The following NR6A1 variants were observed in gnomAD, a reference collection of about 807,000 sequenced individuals.
The protein encoded by NR6A1 is nuclear receptor subfamily 6 group A member 1.
A neutral mutation model predicts 59.1 loss-of-function variants in NR6A1; 7 were observed. The observed-to-expected ratio is 0.12, with a 90% CI of 0.07 to 0.22. The LOEUF (loss-of-function observed/expected upper bound fraction) is 0.22, where lower values mean the gene tolerates loss of function less well. Among genes scored for constraint, NR6A1 ranks in the 10% least tolerant of loss-of-function variants. The pLI is 1.00. For synonymous variants in NR6A1, 243 were observed against 236.1 expected (o/e 1.03, Z -0.27); for missense variants, 468 against 611.6 (o/e 0.77, Z 2.48).
intron 2 of NR6A1, among the ~76,000 whole-genome samples, chr9:124,718,369 G>A (rs551790578): frequency 4.3e-4 from 66 of 152,338 alleles, no homozygotes; most frequent in African/African-American, 1.5e-3. Context: ...GCAAGTAGAA[G>A]CCTGAAAATG....
chr9:124,655,553 A>T (rs1837234690), intron 2 of NR6A1, among the ~76,000 whole-genome samples: 1 of 152,228 alleles, frequency 6.6e-6, no homozygotes. Context: ...ACAAGGCACA[A>T]CTCAAGAGAA....
chr9:124,692,384 C>G (rs973632252), intron 2 of NR6A1: 3 of 454,210 alleles, frequency 6.6e-6, no homozygotes, highest in Non-Finnish European at 1.4e-5. Context: ...AATGTAAGAG[C>G]ATCCATCAGC....
chr9:124,576,011 T>C (rs1834579979), intron 2 of NR6A1, among the ~76,000 whole-genome samples: 1 of 152,146 alleles, frequency 6.6e-6, no homozygotes. Context: ...TTCTAATTCT[T>C]GCATGCCTGG....
rs10639098 is a variant in NR6A1, at chr9:124,519,901, C to CAAAAAA, written c.*2798_*2803dup. The CAAAAAA allele has an allele frequency of 0.025, 592 of 23,896 alleles. 110 individuals carry two copies. The highest frequency in any genetic ancestry group is 0.076 in the African/African-American group (578 of 7,650). 1.5% of individuals were successfully genotyped at this position (23,896 alleles called of 1,614,324 possible). ...TGAGCGACAGAGCGAGACTCCGCCT[C>CAAAAAA]AAAAAAAAAAAAAAAAAAAAAAAAA... On this transcript the variant is annotated 3_prime_UTR_variant, in exon 10 of 10. Transcript: ENST00000487099.
At chr9:124,674,168 ATAT>A (rs1837883091) in intron 2 of NR6A1, among the ~76,000 whole-genome samples, 1 of 152,218 alleles carries the variant, frequency 6.6e-6, no homozygotes, top group African/African-American at 2.4e-5. Context: ...ATGTTAGCTG[ATAT>A]TATCATATTA....
intron 2 of NR6A1, among the ~76,000 whole-genome samples, chr9:124,610,093 C>T (rs192861506): frequency 3.3e-5 from 5 of 152,294 alleles, no homozygotes; most frequent in Non-Finnish European, 7.4e-5. Flanking sequence ...ACCTTTATTT[C>T]TTTCTCTTGA....
chr9:124,690,936 A>G (rs1314018292), intron 2 of NR6A1, among the ~76,000 whole-genome samples: 2 of 152,332 alleles, frequency 1.3e-5, no homozygotes, highest in Non-Finnish European at 2.9e-5. Context: ...ACCTTTCTGT[A>G]GTTTTTCAAG....
intron 1 of NR6A1, among the ~76,000 whole-genome samples, chr9:124,757,491 G>A (rs1840667499): frequency 6.6e-6 from 1 of 150,904 alleles, no homozygotes; most frequent in Admixed American, 6.6e-5. Context: ...TGGATTTGAG[G>A]TCTAGAAGAA....
rs976902399 is a variant in NR6A1, at chr9:124,557,481, T to C, written c.143-2911A>G. ...AGCTAACTTAAGTGAGTTTCTGTTG[T>C]TTGCAACACAAACAAAATACAAAAA... is the stretch of plus-strand genomic sequence containing the variant. On this transcript the variant is annotated intron_variant, in intron 2 of 9. Coordinates refer to ENST00000487099, the MANE Select transcript of NR6A1 (RefSeq NM_033334.4). Among the ~76,000 whole-genome samples the C allele has an allele frequency of 1.1e-4, 17 of 152,106 alleles. 1 individual carries two copies. The highest frequency in any genetic ancestry group is 2.9e-5 in the Non-Finnish European group (2 of 68,012).
At chr9:124,586,249 T>G (rs930554715) in intron 2 of NR6A1, among the ~76,000 whole-genome samples, 1 of 152,184 alleles carries the variant, frequency 6.6e-6, no homozygotes, top group Non-Finnish European at 1.5e-5. Flanking sequence ...TAGATGCCAT[T>G]AAGGACATTT....
At chr9:124,557,112 C>A (rs368619753) in intron 2 of NR6A1, among the ~76,000 whole-genome samples, 1 of 152,066 alleles carries the variant, frequency 6.6e-6, no homozygotes, top group East Asian at 1.9e-4. Context: ...GACATAACCA[C>A]GTTATTGTAA....
chr9:124,695,622 G>C (rs1045720109), intron 2 of NR6A1, among the ~76,000 whole-genome samples: 1 of 151,990 alleles, frequency 6.6e-6, no homozygotes, highest in Non-Finnish European at 1.5e-5. Flanking sequence ...CGCCCGCCTC[G>C]GCCGCCCAAA....
At chr9:124,687,151 C>A (rs1838359314) in intron 2 of NR6A1, among the ~76,000 whole-genome samples, 3 of 151,568 alleles carry the variant, frequency 2.0e-5, no homozygotes, top group Non-Finnish European at 2.9e-5. Context: ...TCAGGTCACA[C>A]TCTGTCACTC....
rs150621763 is a variant in NR6A1, at chr9:124,561,362, C to A, written c.143-6792G>T. ...CTGAGGTAGGAGTATCACCTGAGCC[C>A]AGGTGGTCGAAGATGCAGTGAGCTG... On this transcript the variant is annotated intron_variant, in intron 2 of 9. Transcript: ENST00000487099. 4.0e-3 allele frequency among the ~76,000 whole-genome samples: 613 copies of A among 152,126 alleles called. 3 individuals carry two copies. Among genetic ancestry groups the A allele is most frequent in the African/African-American group, 0.013 (558 of 41,528 alleles).
At chr9:124,595,983 A>G (rs1164618899) in intron 2 of NR6A1, 1 of 162,966 alleles carries the variant, frequency 6.1e-6, no homozygotes, top group Non-Finnish European at 1.3e-5. Flanking sequence ...GTTTATTACC[A>G]AAGGTTATCT....
At chr9:124,608,855 A>T (rs533865481) in intron 2 of NR6A1, among the ~76,000 whole-genome samples, 17 of 152,320 alleles carry the variant, frequency 1.1e-4, no homozygotes, top group African/African-American at 4.1e-4. Context: ...GTGAGATGGT[A>T]TCTCATTATG....
chr9:124,558,700 C>A (rs1225006800), intron 2 of NR6A1, among the ~76,000 whole-genome samples: 1 of 152,090 alleles, frequency 6.6e-6, no homozygotes, highest in Non-Finnish European at 1.5e-5. Flanking sequence ...TAATAGTCAT[C>A]CAGCTAGTAA....
At position 124,535,901 on chromosome 9, in the gene NR6A1, C is replaced by A. The variant is rs148837969; in HGVS notation, c.1056G>T (p.Ser352=). ...ACCTGTGTAGTTCTTCATCGGAGGG[C>A]GAGTACTTGGCAGTGACATCAGCCA... ...GELADVTAKY[S]PSDEELHRFS... is the part of the protein sequence containing the mutation. The change falls in exon 7 of 10, where the codon TCG becomes TCT. Residue 352 remains serine, a synonymous_variant. Transcript: ENST00000487099. The A allele has an allele frequency of 2.5e-5, 40 of 1,614,112 alleles. No homozygotes were observed. In the African/African-American group the frequency reaches 3.2e-4, roughly 13 times the overall value.
At chr9:124,575,703 G>A (rs1163699855) in intron 2 of NR6A1, among the ~76,000 whole-genome samples, 1 of 152,010 alleles carries the variant, frequency 6.6e-6, no homozygotes, top group African/African-American at 2.4e-5. Context: ...TATAAACTGG[G>A]GATAACAATA....
Sources: gnomAD v4.1 joint callset for allele counts (sites outside exome capture counted in the v4.1 genomes callset) on GRCh38, gnomAD v4.1.1 for gene constraint, MANE v1.5 for transcripts, NCBI Gene and HGNC (gene_info 2026-07-23, HGNC 2026-07-21) for gene names.